ANXA4: variants seen among roughly 807,000 people sequenced by gnomAD.
ANXA4 encodes 35-beta calcimedin.
A neutral mutation model predicts 49.8 loss-of-function variants in ANXA4; 39 were observed. The ratio of observed to expected loss-of-function variants is 0.78; its 90% CI spans 0.61 to 1.02. ANXA4 has a LOEUF of 1.02. ANXA4 is among the 50% of genes least tolerant of loss of function. The pLI, the probability that ANXA4 is intolerant of heterozygous loss-of-function variation, is 0.00. For synonymous variants in ANXA4, 134 were observed against 152.5 expected, an observed-to-expected ratio of 0.88 and a Z score of 0.89; for missense variants, 360 against 410.1, an observed-to-expected ratio of 0.88 and a Z score of 1.05.
intron 12 of ANXA4, among the ~76,000 whole-genome samples, chr2:69,821,148 G>C (rs1220998692): frequency 2.0e-5 from 3 of 152,226 alleles, no homozygotes; most frequent in Admixed American, 2.0e-4. Flanking sequence ...GTCCTAGGCA[G>C]GGGCCAGCTG....
intron 1 of ANXA4, among the ~76,000 whole-genome samples, chr2:69,754,402 G>A (rs1463258926): frequency 1.3e-5 from 2 of 152,082 alleles, no homozygotes; most frequent in Admixed American, 6.6e-5. Context: ...ATCACCTGGC[G>A]GGATTCTTGC....
At chr2:69,657,665 G>A (rs1676556911) in intron 2 of ANXA4, among the ~76,000 whole-genome samples, 1 of 152,062 alleles carries the variant, frequency 6.6e-6, no homozygotes, top group Admixed American at 6.6e-5. Context: ...GGATATACAT[G>A]TAAATTTAAG....
chr2:69,802,183 T>C (rs1673227709), intron 3 of ANXA4, among the ~76,000 whole-genome samples: 1 of 152,110 alleles, frequency 6.6e-6, no homozygotes, highest in African/African-American at 2.4e-5. Flanking sequence ...GGGAGAGACA[T>C]TGTGAGAGTT....
chr2:69,814,744 GTGTGT>G (rs1249422965), intron 8 of ANXA4: 1 of 17,034 alleles, frequency 5.9e-5, no homozygotes, highest in Non-Finnish European at 1.4e-4. Context: ...ACACAGAGGG[GTGTGT>G]GTGTGTGTGT....
At chr2:69,654,761 A>C (rs1286693238) in intron 2 of ANXA4, among the ~76,000 whole-genome samples, 2 of 152,196 alleles carry the variant, frequency 1.3e-5, no homozygotes, top group Non-Finnish European at 2.9e-5. Context: ...GCATCGCACT[A>C]CCTGGCTTCA....
At chr2:69,675,599 A>G (rs1449833907) in intron 2 of ANXA4, among the ~76,000 whole-genome samples, 1 of 152,164 alleles carries the variant, frequency 6.6e-6, no homozygotes, top group African/African-American at 2.4e-5. Context: ...AGATACCTGG[A>G]AGAGTGAGTC....
chr2:69,795,525 A>T (rs13431370), intron 3 of ANXA4, among the ~76,000 whole-genome samples: 1 of 152,124 alleles, frequency 6.6e-6, no homozygotes, highest in African/African-American at 2.4e-5. Flanking sequence ...GGACTGTTAC[A>T]GGGTCTGAGG....
At chr2:69,718,895 C>G (rs1045686275) in intron 2 of ANXA4, among the ~76,000 whole-genome samples, 2 of 152,156 alleles carry the variant, frequency 1.3e-5, no homozygotes, top group Non-Finnish European at 2.9e-5. Context: ...CACACACATG[C>G]ATACACAGCA....
At chr2:69,821,884 T>C (rs1383286734) in intron 12 of ANXA4, among the ~76,000 whole-genome samples, 1 of 152,106 alleles carries the variant, frequency 6.6e-6, no homozygotes, top group African/African-American at 2.4e-5. Flanking sequence ...TGACGGTAAG[T>C]GAAGTTATGG....
chr2:69,777,498 A>C (rs953931766), intron 1 of ANXA4, among the ~76,000 whole-genome samples: 1 of 152,116 alleles, frequency 6.6e-6, no homozygotes, highest in African/African-American at 2.4e-5. Context: ...TTTCACCCTT[A>C]TTGTTCTTAT....
intron 2 of ANXA4, among the ~76,000 whole-genome samples, chr2:69,697,781 C>T (rs1573115235): frequency 6.6e-6 from 1 of 152,052 alleles, no homozygotes; most frequent in Non-Finnish European, 1.5e-5. Flanking sequence ...GCTTGCTATT[C>T]TGTATGGGCA....
intron 2 of ANXA4, among the ~76,000 whole-genome samples, chr2:69,699,288 G>C (rs1310460336): frequency 6.6e-6 from 1 of 152,176 alleles, no homozygotes; most frequent in Non-Finnish European, 1.5e-5. Flanking sequence ...TCAGAGAAGG[G>C]AGTTAAAAGA....
chr2:69,769,470 T>C (rs1365250834), intron 1 of ANXA4, among the ~76,000 whole-genome samples: 1 of 152,170 alleles, frequency 6.6e-6, no homozygotes, highest in Non-Finnish European at 1.5e-5. Context: ...AGTTTTTAAC[T>C]TGTTAAGTGG....
intron 10 of ANXA4, 129 bp from the exon 11 acceptor site, chr2:69,819,151 C>T (rs925755721): frequency 7.9e-6 from 5 of 630,098 alleles, no homozygotes; most frequent in Admixed American, 3.2e-5. Flanking sequence ...TGAAACATTG[C>T]TTGGCTAAAA....
chr2:69,740,210 T>C (rs1670348190), upstream of ANXA4, among the ~76,000 whole-genome samples: 1 of 152,100 alleles, frequency 6.6e-6, no homozygotes, highest in Non-Finnish European at 1.5e-5. Context: ...TTCTTTCTTT[T>C]TCTTTTTCTT....
At chr2:69,659,077 T>G (rs1445859165) in intron 2 of ANXA4, among the ~76,000 whole-genome samples, 1 of 152,208 alleles carries the variant, frequency 6.6e-6, no homozygotes, top group Non-Finnish European at 1.5e-5. Context: ...GTTAGTAAAG[T>G]CAGTCCTATT....
At chr2:69,688,625 T>G (rs1011200011) in intron 2 of ANXA4, among the ~76,000 whole-genome samples, 1 of 152,248 alleles carries the variant, frequency 6.6e-6, no homozygotes, top group Non-Finnish European at 1.5e-5. Context: ...TTCAAAGCAA[T>G]GAGTTGGCTC....
At chr2:69,779,107 C>CAAAA (rs70954359) in intron 1 of ANXA4, among the ~76,000 whole-genome samples, 2 of 45,444 alleles carry the variant, frequency 4.4e-5, no homozygotes, top group Non-Finnish European at 4.7e-5. Context: ...CACTCTGCCT[C>CAAAA]AAAAAAAAAA....
chr2:69,664,782 C>T (rs914477581), intron 2 of ANXA4, among the ~76,000 whole-genome samples: 1 of 152,122 alleles, frequency 6.6e-6, no homozygotes, highest in African/African-American at 2.4e-5. Context: ...GCTTCTCGGA[C>T]GGGTTTCTGT....
Sources: allele counts gnomAD v4.1 joint callset (sites outside exome capture counted in the v4.1 genomes callset), GRCh38; gene constraint gnomAD v4.1.1; transcripts MANE v1.5; gene names NCBI Gene and HGNC (gene_info 2026-07-23, HGNC 2026-07-21).